REEP1: variants seen among roughly 807,000 people sequenced by gnomAD.
REEP1 encodes the protein receptor expression-enhancing protein 1.
In REEP1, 22 loss-of-function variants were observed where a neutral mutation model predicts 40.3. The ratio of observed to expected loss-of-function variants is 0.55; its 90% CI spans 0.39 to 0.78. REEP1 has a LOEUF of 0.78. Ranked by LOEUF, REEP1 falls within the 30% of genes least tolerant of loss-of-function variation. REEP1 has a pLI of 0.00. For synonymous variants in REEP1, 116 were observed against 139.2 expected, an observed-to-expected ratio of 0.83 and a Z score of 1.17; for missense variants, 280 against 361.1, an observed-to-expected ratio of 0.78 and a Z score of 1.82.
chr2:86,330,413 T>TGGTG (rs1436042675), intron 1 of REEP1, among the ~76,000 whole-genome samples: 2 of 102,970 alleles, frequency 1.9e-5, no homozygotes, highest in African/African-American at 3.5e-5. Context: ...CAGTGAATCC[T>TGGTG]GGTGTGTGTG....
chr2:86,241,467 G>A (rs923209435), intron 5 of REEP1, among the ~76,000 whole-genome samples: 6 of 152,136 alleles, frequency 3.9e-5, no homozygotes, highest in South Asian at 2.1e-4. Flanking sequence ...AGAGCTGATC[G>A]ATCATCAGAA....
chr2:86,297,010 A>G (rs2104446316), intron 1 of REEP1, among the ~76,000 whole-genome samples: 1 of 152,284 alleles, frequency 6.6e-6, no homozygotes, highest in East Asian at 1.9e-4. Flanking sequence ...CTCCCTCAGC[A>G]TCTCCCACCA....
At position 86,308,096 on chromosome 2, in the gene REEP1, G is replaced by A. The variant is rs184194378; in HGVS notation, c.33-25854C>T. The stretch of plus-strand genomic sequence containing the variant: ...ACCTGTCCTTGAGATATAAATATGG[G>A]TCAGATCACTAGAACAAAAGGAAGA... On this transcript the variant is annotated intron_variant, in intron 1 of 8. Coordinates refer to ENST00000538924, the MANE Select transcript of REEP1 (RefSeq NM_001371279.1). 4.6e-3 allele frequency among the ~76,000 whole-genome samples: 707 copies of A among 152,288 alleles called. 3 individuals carry two copies. The highest frequency in any genetic ancestry group is 8.0e-3 in the Non-Finnish European group (545 of 68,024).
At chr2:86,304,920 A>G (rs1339485372) in intron 1 of REEP1, among the ~76,000 whole-genome samples, 1 of 152,250 alleles carries the variant, frequency 6.6e-6, no homozygotes, top group East Asian at 1.9e-4. Context: ...AATGCTCACC[A>G]GAAGAGAGAC....
At chr2:86,233,921 C>CAACAGACAT (rs1171824496) in intron 5 of REEP1, among the ~76,000 whole-genome samples, 2 of 151,846 alleles carry the variant, frequency 1.3e-5, no homozygotes, top group African/African-American at 4.8e-5. Context: ...CAATACTGCA[C>CAACAGACAT]AACAGACATA....
intron 2 of REEP1, among the ~76,000 whole-genome samples, chr2:86,267,502 T>C (rs1347339017): frequency 4.0e-5 from 6 of 151,550 alleles, no homozygotes; most frequent in South Asian, 2.1e-4. Flanking sequence ...AACAGACTAA[T>C]ACACACTGTC....
intron 2 of REEP1, among the ~76,000 whole-genome samples, chr2:86,268,939 GA>G: frequency 6.6e-6 from 1 of 152,254 alleles, no homozygotes; most frequent in South Asian, 2.1e-4. Flanking sequence ...TAACAACAAT[GA>G]AAAATGGATC....
At position 86,290,042 on chromosome 2, in the gene REEP1, G is replaced by A. The variant is rs1290091778; in HGVS notation, c.33-7800C>T. Among the ~76,000 whole-genome samples, 6 of 152,258 alleles carry A rather than the reference G, an allele frequency of 3.9e-5. 1 individual carries two copies. In the South Asian group the frequency reaches 1.2e-3, roughly 32 times the overall value. ...GATGGAGTCTCACTCTGTCACCCAGGCTGGAGTGCAGCGGCACAATCTCAG... is the reference window on the plus strand; with the variant it reads ...GATGGAGTCTCACTCTGTCACCCAGACTGGAGTGCAGCGGCACAATCTCAG... On this transcript the variant is annotated intron_variant, in intron 1 of 8. Transcript: ENST00000538924.
At chr2:86,285,393 T>C (rs778589664) in intron 1 of REEP1, among the ~76,000 whole-genome samples, 12 of 152,254 alleles carry the variant, frequency 7.9e-5, no homozygotes, top group Non-Finnish European at 1.2e-4. Flanking sequence ...CCTTATGTAG[T>C]AGCAGCAATA....
intron 1 of REEP1, among the ~76,000 whole-genome samples, chr2:86,294,027 AAGGCAAATACTG>A (rs1360650345): frequency 1.3e-5 from 2 of 152,212 alleles, no homozygotes; most frequent in African/African-American, 4.8e-5. Context: ...CAATCACAAA[AAGGCAAATACTG>A]AGTGATTACA....
At chr2:86,237,099 C>A (rs572429718) in intron 5 of REEP1, among the ~76,000 whole-genome samples, 8 of 152,134 alleles carry the variant, frequency 5.3e-5, no homozygotes, top group Non-Finnish European at 7.3e-5. Flanking sequence ...CAATTGCTGC[C>A]GCCCTGACAT....
At chr2:86,269,840 A>T (rs1677338587) in intron 2 of REEP1, among the ~76,000 whole-genome samples, 1 of 151,582 alleles carries the variant, frequency 6.6e-6, no homozygotes, top group Admixed American at 6.6e-5. Flanking sequence ...TATTTAAAAT[A>T]TAAAAAAAAA....
chr2:86,266,577 C>T (rs1414312504), intron 2 of REEP1, among the ~76,000 whole-genome samples: 2 of 151,386 alleles, frequency 1.3e-5, no homozygotes, highest in African/African-American at 2.4e-5. Context: ...CGAGATTGCG[C>T]CACTGCAGTC....
chr2:86,273,728 G>A (rs1054081922), intron 2 of REEP1, among the ~76,000 whole-genome samples: 5 of 152,044 alleles, frequency 3.3e-5, no homozygotes, highest in African/African-American at 4.8e-5. Flanking sequence ...CAGCAAAAAC[G>A]TGACCTCCTC....
At position 86,282,089 on chromosome 2, in the gene REEP1, C is replaced by T. The variant is rs1678126156; in HGVS notation, c.105+81G>A. The T allele has an allele frequency of 4.3e-6, 4 of 928,890 alleles. No homozygotes were observed. The South Asian group carries it at 5.2e-5, about 12-fold the overall frequency. 57.5% of individuals were successfully genotyped at this position (928,890 alleles called of 1,614,324 possible). A position where few individuals can be genotyped will look rare whatever the true frequency, so the allele number is the denominator to read the frequency against. ...TTCCCTGCTTCCAGTGCCCATAGCA[C>T]GGAGGGCATCCCCTTCTCCCAACAT... is the stretch of plus-strand genomic sequence containing the variant. On this transcript the variant is annotated intron_variant, in intron 2 of 8. Transcript: ENST00000538924.
chr2:86,236,265 C>T (rs1675319518), intron 5 of REEP1, among the ~76,000 whole-genome samples: 1 of 151,932 alleles, frequency 6.6e-6, no homozygotes, highest in Admixed American at 6.6e-5. Context: ...AACCTTTCAG[C>T]CCTTCTCAGT....
intron 3 of REEP1, among the ~76,000 whole-genome samples, chr2:86,260,864 G>A (rs1676818756): frequency 6.6e-6 from 1 of 152,198 alleles, no homozygotes; most frequent in South Asian, 2.1e-4. Flanking sequence ...ACTTACAGAA[G>A]CTGTGGAATC....
intron 2 of REEP1, among the ~76,000 whole-genome samples, chr2:86,268,432 A>C (rs534966329): frequency 1.3e-4 from 20 of 152,350 alleles, no homozygotes; most frequent in African/African-American, 4.1e-4. Flanking sequence ...ATCAAACAGG[A>C]TATGTAAAAA....
At chr2:86,322,722 A>G (rs1269395444) in intron 1 of REEP1, among the ~76,000 whole-genome samples, 1 of 152,072 alleles carries the variant, frequency 6.6e-6, no homozygotes. Flanking sequence ...CCGAAGTGCT[A>G]GGATTACAGG....
Sources: gnomAD v4.1 joint callset for allele counts (sites outside exome capture counted in the v4.1 genomes callset) on GRCh38, gnomAD v4.1.1 for gene constraint, MANE v1.5 for transcripts, NCBI Gene and HGNC (gene_info 2026-07-23, HGNC 2026-07-21) for gene names.